Variants in MAPRE2 observed in about 807,000 individuals in gnomAD.
The protein encoded by MAPRE2 is microtubule-associated protein RP/EB family member 2.
MAPRE2 carries 13 observed loss-of-function variants against 43.2 expected under a neutral mutation model. The observed-to-expected ratio is 0.30, with a 90% CI of 0.20 to 0.48. The LOEUF is 0.48. Ranked by LOEUF, MAPRE2 falls within the 20% of genes least tolerant of loss-of-function variation. MAPRE2 has a pLI of 0.99. For synonymous variants in MAPRE2, 135 were observed against 148.8 expected, an observed-to-expected ratio of 0.91 and a Z score of 0.68; for missense variants, 161 against 400.2, an observed-to-expected ratio of 0.40 and a Z score of 5.10.
At chr18:35,079,415 C>A (rs182922363) in intron 2 of MAPRE2, among the ~76,000 whole-genome samples, 2 of 152,304 alleles carry the variant, frequency 1.3e-5, no homozygotes, top group East Asian at 3.9e-4. Context: ...ACTTCTCCAA[C>A]CCCTTCTTTA....
At chr18:35,014,309 G>A (rs2097036750) in intron 2 of MAPRE2, among the ~76,000 whole-genome samples, 1 of 151,724 alleles carries the variant, frequency 6.6e-6, no homozygotes, top group South Asian at 2.1e-4. Context: ...GAAACAGAAG[G>A]GTGATTTAGA....
At chr18:35,068,601 C>A (rs1474647293) in intron 1 of MAPRE2, among the ~76,000 whole-genome samples, 1 of 152,154 alleles carries the variant, frequency 6.6e-6, no homozygotes, top group Admixed American at 6.5e-5. Flanking sequence ...TGAAAACTGG[C>A]AAATAGAGAA....
intron 1 of MAPRE2, among the ~76,000 whole-genome samples, chr18:35,068,085 A>G (rs747565504): frequency 2.8e-4 from 43 of 152,204 alleles, no homozygotes; most frequent in Non-Finnish European, 4.6e-4. Flanking sequence ...TTATTTCTAA[A>G]TGAAACCTTC....
chr18:35,087,624 G>T (rs1353596843), intron 2 of MAPRE2, among the ~76,000 whole-genome samples: 1 of 152,134 alleles, frequency 6.6e-6, no homozygotes, highest in African/African-American at 2.4e-5. Flanking sequence ...TGGTTCAACT[G>T]CTATGCAGAT....
intron 1 of MAPRE2, among the ~76,000 whole-genome samples, chr18:35,045,387 A>G (rs1215875990): frequency 1.3e-5 from 2 of 152,108 alleles, no homozygotes; most frequent in Admixed American, 6.5e-5. Flanking sequence ...CTAGAGGACT[A>G]TTTCCACATG....
intron 1 of MAPRE2, among the ~76,000 whole-genome samples, chr18:34,995,693 G>A (rs2097026149): frequency 6.6e-6 from 1 of 152,124 alleles, no homozygotes; most frequent in Admixed American, 6.5e-5. Flanking sequence ...TGCTTGCTTG[G>A]GGGTAAGGTC....
chr18:35,000,263 T>C (rs553563731), intron 1 of MAPRE2, among the ~76,000 whole-genome samples: 2 of 152,098 alleles, frequency 1.3e-5, no homozygotes, highest in Admixed American at 1.3e-4. Flanking sequence ...GCTGGGGAGG[T>C]AGTAATGCTG....
chr18:35,047,037 T>C (rs1366606582), intron 1 of MAPRE2, among the ~76,000 whole-genome samples: 2 of 152,320 alleles, frequency 1.3e-5, no homozygotes, highest in Non-Finnish European at 2.9e-5. Context: ...ATGTGGCTGA[T>C]GAAACTGCTC....
At chr18:35,110,633 T>C (rs1909136331) in intron 4 of MAPRE2, among the ~76,000 whole-genome samples, 1 of 152,296 alleles carries the variant, frequency 6.6e-6, no homozygotes, top group Admixed American at 6.5e-5. Context: ...GCAGGTCCAG[T>C]GGCAAAAATT....
intron 1 of MAPRE2, among the ~76,000 whole-genome samples, chr18:34,982,414 C>G (rs143917881): frequency 2.7e-4 from 41 of 152,258 alleles, no homozygotes; most frequent in African/African-American, 9.4e-4. Flanking sequence ...TTGACTGTCT[C>G]CCTCAAAGCA....
intron 2 of MAPRE2, among the ~76,000 whole-genome samples, chr18:35,013,229 A>T (rs1296345779): frequency 1.3e-5 from 2 of 152,128 alleles, no homozygotes; most frequent in Non-Finnish European, 2.9e-5. Context: ...AACCCTTAAG[A>T]TACTGACTAT....
At chr18:35,105,400 T>C (rs1908858065) in intron 4 of MAPRE2, among the ~76,000 whole-genome samples, 1 of 152,074 alleles carries the variant, frequency 6.6e-6, no homozygotes. Context: ...TTTTTGGGCA[T>C]TGTAGGGTAG....
At chr18:35,003,606 C>A (rs559387730) in intron 1 of MAPRE2, among the ~76,000 whole-genome samples, 10 of 152,300 alleles carry the variant, frequency 6.6e-5, no homozygotes, top group African/African-American at 2.4e-4. Context: ...CAATTGTATA[C>A]AGACAATTCT....
At chr18:35,126,143 C>G (rs1331919509) in intron 4 of MAPRE2, among the ~76,000 whole-genome samples, 3 of 152,210 alleles carry the variant, frequency 2.0e-5, no homozygotes, top group African/African-American at 7.2e-5. Flanking sequence ...CCCTCTCCCT[C>G]TCCCTGTCTT....
At chr18:35,014,438 A>G (rs1223322159) in intron 2 of MAPRE2, among the ~76,000 whole-genome samples, 1 of 150,102 alleles carries the variant, frequency 6.7e-6, no homozygotes, top group Non-Finnish European at 1.5e-5. Context: ...TATAAGGCAT[A>G]TATACCTGGC....
intron 2 of MAPRE2, among the ~76,000 whole-genome samples, chr18:35,071,381 T>TAAAAC (rs541273785): frequency 2.7e-4 from 41 of 152,248 alleles, no homozygotes; most frequent in African/African-American, 8.9e-4. Context: ...ACCCTGTCTC[T>TAAAAC]AAAACAAAAC....
intron 1 of MAPRE2, among the ~76,000 whole-genome samples, chr18:35,045,655 C>G (rs1314128013): frequency 6.6e-6 from 1 of 152,022 alleles, no homozygotes; most frequent in Non-Finnish European, 1.5e-5. Context: ...AAAGTGTGTT[C>G]CATTCAATAG....
At chr18:35,100,398 G>A (rs1201836331) in intron 3 of MAPRE2, among the ~76,000 whole-genome samples, 9 of 152,154 alleles carry the variant, frequency 5.9e-5, no homozygotes, top group Admixed American at 2.6e-4. Flanking sequence ...ATTGTGGAAA[G>A]CAATGTGGCG....
intron 6 of MAPRE2, among the ~76,000 whole-genome samples, chr18:35,134,726 C>T (rs927403617): frequency 1.1e-4 from 17 of 152,206 alleles, no homozygotes; most frequent in Admixed American, 9.8e-4. Context: ...AAATAACTCC[C>T]CTTACCTCGT....
Sources: gnomAD v4.1 joint callset for allele counts (sites outside exome capture counted in the v4.1 genomes callset) on GRCh38, gnomAD v4.1.1 for gene constraint, MANE v1.5 for transcripts, NCBI Gene and HGNC (gene_info 2026-07-23, HGNC 2026-07-21) for gene names.